GNPTAB: variants seen among roughly 807,000 people sequenced by gnomAD.
GNPTAB encodes N-acetylglucosamine-1-phosphotransferase subunits alpha/beta.
A neutral mutation model predicts 136.6 loss-of-function variants in GNPTAB; 92 were observed. The observed-to-expected ratio is 0.67, with a 90% confidence interval of 0.57 to 0.80. The LOEUF (loss-of-function observed/expected upper bound fraction) is 0.80. Ranked by LOEUF, GNPTAB falls within the 30% of genes least tolerant of loss-of-function variation. The probability of loss-of-function intolerance (pLI) is 0.00; values close to 1 mark genes in which losing one functional copy is unlikely to be tolerated. For synonymous variants in GNPTAB, 512 were observed against 535.1 expected (o/e 0.96, Z 0.60); for missense variants, 1,343 against 1,501.8 (o/e 0.89, Z 1.75).
chr12:101,747,342 A>G lies in GNPTAB; in HGVS notation c.3694-101T>C, dbSNP rs1033005762. On this transcript the variant is annotated intron_variant, in intron 20 of 20. Transcript: ENST00000299314. Reference sequence around the variant, plus strand: ...GAGCCATATGACCTTAATCATTTCCACAATCTTATACATTAAAAAGACAAC... The same window carrying G: ...GAGCCATATGACCTTAATCATTTCCGCAATCTTATACATTAAAAAGACAAC... The G allele has an allele frequency of 1.9e-5, 13 of 700,176 alleles. No homozygotes were observed. The African/African-American group carries it at 2.3e-4, about 12-fold the overall frequency. The allele number at this position is 700,176 out of a possible 1,614,324, so 43.4% of individuals were successfully genotyped here.
intron 10 of GNPTAB, among the ~76,000 whole-genome samples, chr12:101,769,716 A>G (rs1325098275): frequency 6.6e-6 from 1 of 152,004 alleles, no homozygotes; most frequent in Non-Finnish European, 1.5e-5. Flanking sequence ...CATCTTGGCC[A>G]GTGACCCCCT....
intron 5 of GNPTAB, among the ~76,000 whole-genome samples, chr12:101,783,223 T>C (rs1566084155): frequency 6.6e-6 from 1 of 151,918 alleles, no homozygotes; most frequent in African/African-American, 2.4e-5. Flanking sequence ...CAGCAGGCAC[T>C]TAATAAGCAC....
chr12:101,761,900 G>A, intron 13 of GNPTAB, 137 bp from the exon 14 acceptor site: 1 of 715,020 alleles, frequency 1.4e-6, no homozygotes, highest in Non-Finnish European at 2.5e-6. Flanking sequence ...ATGTTAACGG[G>A]TCACTTTAAG....
intron 1 of GNPTAB, among the ~76,000 whole-genome samples, chr12:101,817,608 G>A (rs1870571974): frequency 6.6e-6 from 1 of 151,878 alleles, no homozygotes; most frequent in Non-Finnish European, 1.5e-5. Context: ...AATATCACAT[G>A]TACTCCATAA....
intron 10 of GNPTAB, 126 bp from the exon 11 acceptor site, chr12:101,768,286 G>C: frequency 9.9e-7 from 1 of 1,009,028 alleles, no homozygotes; most frequent in Non-Finnish European, 1.5e-6. Context: ...AAAGGGCTCA[G>C]CGTTCACACT....
intron 7 of GNPTAB, among the ~76,000 whole-genome samples, chr12:101,772,191 A>G (rs556572945): frequency 1.3e-5 from 2 of 152,356 alleles, no homozygotes; most frequent in Admixed American, 6.5e-5. Flanking sequence ...TCCTATGAAG[A>G]GGCTTTCATC....
rs766436645 is a variant in GNPTAB at position 101,764,782 on chromosome 12, T to C, written c.2135A>G (p.Asn712Ser). The change falls in exon 13 of 21, where the codon AAT (asparagine) becomes AGT (serine). Residue 712 changes from asparagine to serine, a missense_variant. Physicochemically the swap from Asn to Ser is conservative, Grantham distance 46 (BLOSUM62 1). Transcript: ENST00000299314. ...LLPKDAQLSL[N>S]TLDLQLEHGD... ...ATGTTCCAGTTGCAAATCCAAGGTA[T>C]TGAGACTCAACTGGGCGTCTTTTGG... is the stretch of plus-strand genomic sequence containing the variant. The C allele has an allele frequency of 5.0e-6, 8 of 1,614,236 alleles. No individual in the cohort carries two copies. The highest frequency in any genetic ancestry group is 2.7e-5 in the African/African-American group (2 of 75,068).
chr12:101,827,765 G>A (rs1871169323), intron 1 of GNPTAB, among the ~76,000 whole-genome samples: 1 of 152,140 alleles, frequency 6.6e-6, no homozygotes, highest in Non-Finnish European at 1.5e-5. Context: ...CAGAGTTTGA[G>A]ACCAGCCTGG....
intron 4 of GNPTAB, among the ~76,000 whole-genome samples, chr12:101,787,156 A>C (rs545164416): frequency 6.6e-5 from 10 of 152,342 alleles, no homozygotes; most frequent in Non-Finnish European, 1.2e-4. Context: ...AAGAGAAACA[A>C]AACAGGAAAA....
Position 101,764,316 on chromosome 12 carries a change from T to C in GNPTAB, c.2601A>G (p.Glu867=). The C allele has an allele frequency of 6.2e-7, 1 of 1,614,032 alleles. No homozygotes were observed. Among genetic ancestry groups the C allele is most frequent in the Non-Finnish European group, 8.5e-7 (1 of 1,179,988 alleles). The change falls in exon 13 of 21, where the codon GAA becomes GAG. Residue 867 remains glutamate, a synonymous_variant. Transcript: ENST00000299314. ...KENSRMEENA[E]NHIGVTEVLL... ...ACACTTCAGTAACGCCTATGTGATTTTCAGCATTTTCCTCCATTCTACTGT... is the reference window on the plus strand; with the variant it reads ...ACACTTCAGTAACGCCTATGTGATTCTCAGCATTTTCCTCCATTCTACTGT...
At chr12:101,783,552 C>A (rs541085622) in intron 5 of GNPTAB, among the ~76,000 whole-genome samples, 1 of 152,040 alleles carries the variant, frequency 6.6e-6, no homozygotes, top group East Asian at 1.9e-4. Context: ...TGCTATAAAT[C>A]AAAAAGTATA....
At chr12:101,775,997 G>A (rs1402141987) in intron 7 of GNPTAB, among the ~76,000 whole-genome samples, 1 of 152,038 alleles carries the variant, frequency 6.6e-6, no homozygotes, top group African/African-American at 2.4e-5. Flanking sequence ...CTTCCCCCAT[G>A]TCTCTGACCC....
At position 101,771,221 on chromosome 12, in the gene GNPTAB, T is replaced by A. The variant is rs563099700; in HGVS notation, c.772-64A>T. 1.4e-5 allele frequency: 19 copies of A among 1,349,568 alleles called. No homozygotes were observed. The East Asian group carries it at 4.4e-4, about 31-fold the overall frequency. 83.6% of individuals were successfully genotyped at this position (1,349,568 alleles called of 1,614,324 possible). On this transcript the variant is annotated intron_variant, in intron 7 of 20. Coordinates refer to ENST00000299314, the MANE Select transcript of GNPTAB (RefSeq NM_024312.5). ...ATCTCAAGGATGAAGCACCTTTAAA[T>A]TCCCACTCTGCTCTTTAATCTTTCC...
chr12:101,785,802 G>T, intron 5 of GNPTAB: 2 of 553,266 alleles, frequency 3.6e-6, no homozygotes, highest in South Asian at 4.2e-5. Context: ...GCACAGAAAG[G>T]TATGTGTATT....
In GNPTAB at chr12:101,745,728, C is replaced by T. The variant is rs1952723809; in HGVS notation, c.*1436G>A. 1 of 152,092 alleles carries T rather than the reference C, an allele frequency of 6.6e-6. No individual in the cohort carries two copies. Among genetic ancestry groups the T allele is most frequent in the Non-Finnish European group, 1.5e-5 (1 of 68,028 alleles). The allele number at this position is 152,092 out of a possible 1,614,324, so 9.4% of individuals were successfully genotyped here. A position where few individuals can be genotyped will look rare whatever the true frequency, so the allele number is the denominator to read the frequency against. On this transcript the variant is annotated 3_prime_UTR_variant, in exon 21 of 21. Coordinates refer to ENST00000299314, the MANE Select transcript of GNPTAB (RefSeq NM_024312.5). ...AATATGGCTAGACGCCAAGGTTTAACCATACATAAAAATACTAATTCTCGG... is the reference window on the plus strand; with the variant it reads ...AATATGGCTAGACGCCAAGGTTTAATCATACATAAAAATACTAATTCTCGG...
rs80048426 is a variant in GNPTAB, at chr12:101,773,200, C to T, written c.772-2043G>A. The stretch of plus-strand genomic sequence containing the variant: ...AGATCACTTTCCTCACTTGATAGTT[C>T]GTCTGTGCTTATGTTTTCCTCCACC... On this transcript the variant is annotated intron_variant, in intron 7 of 20. Transcript: ENST00000299314. The T allele has an allele frequency of 0.017, 3,989 of 231,188 alleles. 189 individuals carry two copies. The East Asian group carries it at 0.17, about 10-fold the overall frequency. 14.3% of individuals were successfully genotyped at this position (231,188 alleles called of 1,614,324 possible). A position where few individuals can be genotyped will look rare whatever the true frequency, so the allele number is the denominator to read the frequency against.
At chr12:101,806,728 AC>A (rs939554824) in intron 1 of GNPTAB, among the ~76,000 whole-genome samples, 2 of 152,162 alleles carry the variant, frequency 1.3e-5, no homozygotes, top group Non-Finnish European at 2.9e-5. Flanking sequence ...AACTCAAAAA[AC>A]GAGAGAGGTC....
intron 20 of GNPTAB, 133 bp downstream of exon 20, chr12:101,748,968 T>C (rs1952774834): frequency 3.1e-6 from 2 of 646,134 alleles, no homozygotes; most frequent in South Asian, 1.8e-5. Flanking sequence ...ATTTAACATA[T>C]TCACATATGA....
chr12:101,830,366 T>C (rs1370022947), intron 1 of GNPTAB, among the ~76,000 whole-genome samples, 193 bp downstream of exon 1: 1 of 152,226 alleles, frequency 6.6e-6, no homozygotes, highest in Non-Finnish European at 1.5e-5. Flanking sequence ...GGCTCACGCC[T>C]GTAATCCCAG....
Sources: gnomAD v4.1 joint callset for allele counts (sites outside exome capture counted in the v4.1 genomes callset) on GRCh38, gnomAD v4.1.1 for gene constraint, MANE v1.5 for transcripts, NCBI Gene and HGNC (gene_info 2026-07-23, HGNC 2026-07-21) for gene names.